Variants in PDE1C observed in about 807,000 individuals in gnomAD.
PDE1C encodes the protein dual specificity calcium/calmodulin-dependent 3',5'-cyclic nucleotide phosphodiesterase 1C.
PDE1C carries 62 observed loss-of-function variants against 93.1 expected under a neutral mutation model. That is an observed-to-expected ratio of 0.67 (90% CI 0.54 to 0.82). The LOEUF (loss-of-function observed/expected upper bound fraction) is 0.82. Ranked by LOEUF, PDE1C falls within the 40% of genes least tolerant of loss-of-function variation. The probability of loss-of-function intolerance (pLI) is 0.00; values close to 1 mark genes in which losing one functional copy is unlikely to be tolerated. For missense variants in PDE1C, 742 were observed against 884.6 expected, an observed-to-expected ratio of 0.84 and a Z score of 2.04; for synonymous variants, 325 against 310.1, an observed-to-expected ratio of 1.05 and a Z score of -0.50.
chr7:31,769,673 T>G (rs1795356237), intron 17 of PDE1C, among the ~76,000 whole-genome samples: 1 of 152,202 alleles, frequency 6.6e-6, no homozygotes, highest in Non-Finnish European at 1.5e-5. Flanking sequence ...CCTATATTCA[T>G]AATGTTTCAC....
At chr7:32,263,078 C>T (rs998671236) in intron 1 of PDE1C, among the ~76,000 whole-genome samples, 4 of 152,170 alleles carry the variant, frequency 2.6e-5, no homozygotes, top group Admixed American at 1.3e-4. Context: ...GAGGATCTCC[C>T]GGAATGTGTT....
At chr7:31,692,944 A>G in the PDE1C span, among the ~76,000 whole-genome samples, 1 of 152,222 alleles carries the variant, frequency 6.6e-6, no homozygotes, top group African/African-American at 2.4e-5. Flanking sequence ...ACAGAATTTT[A>G]AATAGCCTTT....
At chr7:31,697,005 A>C in the PDE1C span, 5 of 1,614,078 alleles carry the variant, frequency 3.1e-6, no homozygotes, top group South Asian at 5.5e-5. Flanking sequence ...ACGATGTTCA[A>C]GAGAGACATC....
the PDE1C span, among the ~76,000 whole-genome samples, chr7:31,639,364 T>A: frequency 6.6e-6 from 1 of 152,052 alleles, no homozygotes; most frequent in Non-Finnish European, 1.5e-5. Flanking sequence ...TTCTGCAGTC[T>A]CTAATCTGCT....
At chr7:32,179,169 C>T (rs762756927) in intron 2 of PDE1C, among the ~76,000 whole-genome samples, 2 of 151,832 alleles carry the variant, frequency 1.3e-5, no homozygotes, top group Admixed American at 6.6e-5. Context: ...GTGTAGATCA[C>T]GCAGAACATC....
chr7:31,763,769 C>T (rs1285040086), intron 17 of PDE1C, among the ~76,000 whole-genome samples: 3 of 152,192 alleles, frequency 2.0e-5, no homozygotes, highest in South Asian at 2.1e-4. Flanking sequence ...CTCGTGATAG[C>T]GCCCTCCCTG....
At chr7:32,264,706 T>C (rs776086777) in intron 1 of PDE1C, among the ~76,000 whole-genome samples, 121 of 152,330 alleles carry the variant, frequency 7.9e-4, no homozygotes, top group Non-Finnish European at 1.4e-3. Flanking sequence ...ATTCACTGGA[T>C]TCGGTGCCCA....
intron 2 of PDE1C, chr7:31,893,582 G>A: frequency 1.3e-6 from 1 of 784,234 alleles, no homozygotes; most frequent in East Asian, 1.3e-4. Context: ...GGCTTTCTCT[G>A]TGGTTAAAAA....
intron 1 of PDE1C, among the ~76,000 whole-genome samples, chr7:32,327,944 C>A (rs2128075882): frequency 6.6e-6 from 1 of 152,172 alleles, no homozygotes; most frequent in African/African-American, 2.4e-5. Context: ...TTTATTTATC[C>A]ATTGTACTGC....
At chr7:32,188,549 AT>A (rs1474983789) in intron 2 of PDE1C, among the ~76,000 whole-genome samples, 1 of 152,050 alleles carries the variant, frequency 6.6e-6, no homozygotes, top group Non-Finnish European at 1.5e-5. Context: ...TATGTCACAT[AT>A]TTTTATTTAT....
intron 2 of PDE1C, among the ~76,000 whole-genome samples, chr7:32,184,589 A>G (rs952962215): frequency 6.6e-6 from 1 of 152,128 alleles, no homozygotes; most frequent in Non-Finnish European, 1.5e-5. Context: ...CATAGGTGAG[A>G]ATTGAACAAT....
intron 1 of PDE1C, among the ~76,000 whole-genome samples, chr7:32,311,836 A>C (rs565742762): frequency 6.6e-6 from 1 of 152,358 alleles, no homozygotes; most frequent in East Asian, 1.9e-4. Flanking sequence ...TCCCTTTTAA[A>C]ACTGGCACAA....
chr7:32,420,124 T>TACACACAC (rs1156625491), intron 1 of PDE1C, among the ~76,000 whole-genome samples: 8 of 13,088 alleles, frequency 6.1e-4, no homozygotes, highest in African/African-American at 1.7e-3. Flanking sequence ...TATATATATA[T>TACACACAC]ACACACACAC....
At chr7:32,189,576 C>A (rs1247485991) in intron 2 of PDE1C, among the ~76,000 whole-genome samples, 1 of 152,082 alleles carries the variant, frequency 6.6e-6, no homozygotes, top group Non-Finnish European at 1.5e-5. Context: ...TGATTTTTAA[C>A]CTCATTATAA....
intron 1 of PDE1C, among the ~76,000 whole-genome samples, chr7:32,066,063 T>C (rs954457962): frequency 6.6e-6 from 1 of 152,176 alleles, no homozygotes; most frequent in Non-Finnish European, 1.5e-5. Flanking sequence ...AGGTGGGAAA[T>C]GGATCCAATG....
chr7:32,100,061 C>T (rs1797969481), intron 3 of PDE1C, among the ~76,000 whole-genome samples: 1 of 152,210 alleles, frequency 6.6e-6, no homozygotes, highest in Admixed American at 6.5e-5. Context: ...CTTATCCCCA[C>T]AGCAAGTGAA....
the PDE1C span, among the ~76,000 whole-genome samples, chr7:31,700,778 A>C: frequency 6.6e-6 from 1 of 152,156 alleles, no homozygotes; most frequent in South Asian, 2.1e-4. Context: ...TAGGGCCCTT[A>C]TGAATTATGT....
chr7:32,105,608 C>A (rs1798259494), intron 3 of PDE1C, among the ~76,000 whole-genome samples: 1 of 152,130 alleles, frequency 6.6e-6, no homozygotes, highest in Admixed American at 6.5e-5. Flanking sequence ...AAGCGTCCAG[C>A]TTCCATTCAG....
intron 3 of PDE1C, among the ~76,000 whole-genome samples, chr7:32,145,486 G>A (rs970029976): frequency 5.9e-5 from 9 of 152,078 alleles, no homozygotes; most frequent in African/African-American, 2.2e-4. Context: ...TCTGAGCAAA[G>A]CTCCCACTCT....
Sources: allele counts gnomAD v4.1 joint callset (sites outside exome capture counted in the v4.1 genomes callset), GRCh38; gene constraint gnomAD v4.1.1; transcripts MANE v1.5; gene names NCBI Gene and HGNC (gene_info 2026-07-23, HGNC 2026-07-21).